The following LPA variants were observed in gnomAD, a reference collection of about 807,000 sequenced individuals.
The protein encoded by LPA is apolipoprotein(a).
A neutral mutation model predicts 197.9 loss-of-function variants in LPA; 199 were observed. The observed-to-expected ratio is 1.01, with a 90% CI of 0.90 to 1.13. LPA has a LOEUF of 1.13. LPA is among the 50% of genes most tolerant of loss of function. The pLI, the probability that LPA is intolerant of heterozygous loss-of-function variation, is 0.00. For synonymous variants in LPA, 715 were observed against 639.5 expected, an observed-to-expected ratio of 1.12 and a Z score of -1.78; for missense variants, 1,853 against 1,785.8, an observed-to-expected ratio of 1.04 and a Z score of -0.68.
intron 28 of LPA, among the ~76,000 whole-genome samples, chr6:160,576,390 G>GTATGTA (rs1778671071): frequency 6.5e-5 from 3 of 46,106 alleles, no homozygotes; most frequent in African/African-American, 8.5e-5. Flanking sequence ...ATATATATAT[G>GTATGTA]TATATATATA....
intron 16 of LPA, among the ~76,000 whole-genome samples, chr6:160,611,024 C>G (rs568560858): frequency 1.3e-4 from 20 of 152,256 alleles, no homozygotes; most frequent in African/African-American, 4.8e-4. Flanking sequence ...TGCCTTCCTT[C>G]CTTGGATCTT....
intron 30 of LPA, among the ~76,000 whole-genome samples, chr6:160,555,410 T>G (rs527438248): frequency 7.3e-6 from 1 of 137,902 alleles, no homozygotes; most frequent in Non-Finnish European, 1.5e-5. Context: ...GGGACAGACA[T>G]AAAAACCTTG....
chr6:160,567,680 C>G (rs1208798433), intron 28 of LPA, among the ~76,000 whole-genome samples: 2 of 152,098 alleles, frequency 1.3e-5, no homozygotes, highest in Admixed American at 6.5e-5. Flanking sequence ...CACAAAAAAA[C>G]CTTCAAAACA....
intron 30 of LPA, among the ~76,000 whole-genome samples, chr6:160,553,931 C>CTGTG (rs1354938548): frequency 7.6e-5 from 5 of 65,674 alleles, no homozygotes; most frequent in African/African-American, 2.8e-4. Context: ...CTCTCTCTCT[C>CTGTG]TCTCTCTGTG....
chr6:160,651,859 G>A (rs1408398254), intron 1 of LPA, among the ~76,000 whole-genome samples: 1 of 152,130 alleles, frequency 6.6e-6, no homozygotes, highest in Non-Finnish European at 1.5e-5. Flanking sequence ...AGAGTAACAT[G>A]AAAATGCTAG....
At chr6:160,593,842 C>T (rs1216567706) in intron 22 of LPA, 116 bp downstream of exon 22, 4 of 1,304,734 alleles carry the variant, frequency 3.1e-6, no homozygotes, top group South Asian at 1.2e-5. Flanking sequence ...AGACATTCTA[C>T]CCAACATTCC....
At chr6:160,576,406 A>G (rs1454056636) in intron 28 of LPA, among the ~76,000 whole-genome samples, 1 of 57,404 alleles carries the variant, frequency 1.7e-5, no homozygotes, top group African/African-American at 1.1e-4. Context: ...ATATATATAT[A>G]TATATATATG....
chr6:160,598,552 G>A (rs879897043), intron 20 of LPA, among the ~76,000 whole-genome samples: 15 of 152,166 alleles, frequency 9.9e-5, no homozygotes, highest in African/African-American at 1.9e-4. Context: ...TGTGGAAACC[G>A]TTTTGCCGTG....
At chr6:160,659,208 C>G (rs1267886237) in intron 1 of LPA, among the ~76,000 whole-genome samples, 1 of 152,180 alleles carries the variant, frequency 6.6e-6, no homozygotes, top group Non-Finnish European at 1.5e-5. Context: ...GGCTCTACAG[C>G]TTGGGGGCAG....
intron 28 of LPA, 30 bp downstream of exon 28, chr6:160,577,106 C>A: frequency 6.2e-7 from 1 of 1,611,254 alleles, no homozygotes. Context: ...TTGGCTGTTG[C>A]TCCTCTTATG....
At chr6:160,543,732 T>C (rs541798826) in intron 33 of LPA, among the ~76,000 whole-genome samples, 1 of 152,358 alleles carries the variant, frequency 6.6e-6, no homozygotes, top group Admixed American at 6.5e-5. Context: ...ACTCCTACTA[T>C]TCAAAATAAA....
chr6:160,577,221 T>A lies in LPA; in HGVS notation c.4546A>T (p.Thr1516Ser), dbSNP rs1321102932. Residue 1516 changes from threonine (T) to serine (S), a missense_variant, in exon 28 of 39, where the codon ACC (threonine) becomes TCC (serine). Physicochemically the swap from Thr to Ser is moderately conservative, Grantham distance 58. Transcript: ENST00000316300. ...DGRSYRGISSTTVTGRTCQSW... is the reference protein window; with the variant it reads ...DGRSYRGISSSTVTGRTCQSW... ...TGACAGGTCCTTCCTGTGACAGTGG[T>A]GGAGGATATGCCTCGATAACTCCGT... The A allele has an allele frequency of 6.2e-7, 1 of 1,613,910 alleles. No individual in the cohort carries two copies. The highest frequency in any genetic ancestry group is 8.5e-7 in the Non-Finnish European group (1 of 1,179,856).
chr6:160,595,660 C>T (rs1779118780), intron 20 of LPA, 125 bp from the exon 21 acceptor site: 1 of 1,360,186 alleles, frequency 7.4e-7, no homozygotes, highest in East Asian at 2.4e-5. Flanking sequence ...CTAAAGGTCC[C>T]ATAATATGCA....
intron 37 of LPA, among the ~76,000 whole-genome samples, chr6:160,535,492 T>G (rs374905648): frequency 9.2e-6 from 1 of 108,938 alleles, no homozygotes; most frequent in Non-Finnish European, 2.0e-5. Context: ...GGTGATGATG[T>G]TGAGAGTGAT....
At chr6:160,599,831 G>T (rs1347091642) in intron 19 of LPA, among the ~76,000 whole-genome samples, 172 bp from the exon 20 acceptor site, 2 of 152,166 alleles carry the variant, frequency 1.3e-5, no homozygotes, top group South Asian at 2.1e-4. Context: ...GAAAGTAAGA[G>T]ATGCCTACCA....
At chr6:160,655,056 G>A (rs757826557) in intron 1 of LPA, among the ~76,000 whole-genome samples, 6 of 152,142 alleles carry the variant, frequency 3.9e-5, no homozygotes, top group East Asian at 1.9e-4. Context: ...GCTCAAGCCC[G>A]ATCACATACA....
At chr6:160,603,284 A>T (rs1255441317) in intron 18 of LPA, among the ~76,000 whole-genome samples, 1 of 145,694 alleles carries the variant, frequency 6.9e-6, no homozygotes. Flanking sequence ...AAGCCTGTGC[A>T]TGTGTGAGTA....
chr6:160,599,629 T>C lies in LPA; in HGVS notation c.3158A>G (p.Asp1053Gly), dbSNP rs998908340. 5 of 1,614,096 alleles carry C rather than the reference T, an allele frequency of 3.1e-6. No individual in the cohort carries two copies. Among genetic ancestry groups the C allele is most frequent in the Non-Finnish European group, 4.2e-6 (5 of 1,179,972 alleles). Residue 1053 changes from aspartate to glycine, a missense_variant, in exon 20 of 39, where the codon GAC (aspartate) becomes GGC (glycine). By Grantham distance (94) the Asp-to-Gly change is moderately conservative. Coordinates refer to ENST00000316300, the MANE Select transcript of LPA (RefSeq NM_005577.4). ...ALTEETPGVQ[D>G]CYYHYGQSYR... is the part of the protein sequence containing the mutation. Reference sequence around the variant, plus strand: ...ACTCTGTCCATAATGGTAGTAGCAGTCCTGTACCCCGGGGGTTTCCTCAGT... The same window carrying C: ...ACTCTGTCCATAATGGTAGTAGCAGCCCTGTACCCCGGGGGTTTCCTCAGT...
Position 160,611,602 on chromosome 6 carries a change from G to T in LPA, c.2563C>A (p.Pro855Thr). The T allele has an allele frequency of 6.2e-7, 1 of 1,601,820 alleles. No individual in the cohort carries two copies. The highest frequency in any genetic ancestry group is 8.5e-7 in the Non-Finnish European group (1 of 1,177,834). Residue 855 changes from proline to threonine, a missense_variant, in exon 16 of 39, where the codon CCA (proline) becomes ACA (threonine). This residue lies in a region of LPA where 1,737 missense variants were observed against 1,504.4 expected (regional missense o/e 1.15). Transcript: ENST00000316300. ...RTCQAWSSMT[P>T]HSHSRTPEYY... ...TCTGGGGTCCGACTATGCGAGTGTG[G>T]TGTCATAGATGACCAAGCTTGGCAG... is the stretch of plus-strand genomic sequence containing the variant.
Sources: gnomAD v4.1 joint callset for allele counts (sites outside exome capture counted in the v4.1 genomes callset) on GRCh38, gnomAD v4.1.1 for gene constraint, gnomAD v4.1.1 regional missense constraint, MANE v1.5 for transcripts, NCBI Gene and HGNC (gene_info 2026-07-23, HGNC 2026-07-21) for gene names.